AUH: variants seen among roughly 807,000 people sequenced by gnomAD.
The protein encoded by AUH is methylglutaconyl-CoA hydratase, mitochondrial.
In AUH, 29 loss-of-function variants were observed where a neutral mutation model predicts 42.3. That is an observed-to-expected ratio of 0.69 (90% CI 0.51 to 0.93). The LOEUF is 0.93. Ranked by LOEUF, AUH falls within the 40% of genes least tolerant of loss-of-function variation. The probability of loss-of-function intolerance (pLI) is 0.00; values close to 1 mark genes in which losing one functional copy is unlikely to be tolerated. For missense variants in AUH, 452 were observed against 438.1 expected (o/e 1.03, Z -0.28); for synonymous variants, 174 against 166.4 (o/e 1.05, Z -0.35).
At chr9:91,357,597 C>T in intron 1 of AUH, 2 of 737,998 alleles carry the variant, frequency 2.7e-6, no homozygotes, top group Non-Finnish European at 1.7e-6. Context: ...AACTGCTTTA[C>T]AAGCTGTAAG....
intron 4 of AUH, among the ~76,000 whole-genome samples, chr9:91,318,508 C>T (rs1829328523): frequency 6.6e-6 from 1 of 152,212 alleles, no homozygotes; most frequent in African/African-American, 2.4e-5. Flanking sequence ...GTTAAGCTCA[C>T]ACCATGCTCA....
chr9:91,281,198 T>C (rs1825938386), intron 6 of AUH, among the ~76,000 whole-genome samples: 1 of 152,204 alleles, frequency 6.6e-6, no homozygotes, highest in Non-Finnish European at 1.5e-5. Context: ...TTCAGTTCAT[T>C]TATTTTACAC....
intron 5 of AUH, 143 bp from the exon 6 acceptor site, chr9:91,296,220 C>T: frequency 1.3e-6 from 1 of 788,918 alleles, no homozygotes; most frequent in Non-Finnish European, 2.0e-6. Flanking sequence ...ACTTAAAAGG[C>T]ATTGTTATGG....
intron 4 of AUH, among the ~76,000 whole-genome samples, chr9:91,302,231 T>C (rs1035473786): frequency 7.3e-5 from 11 of 149,778 alleles, no homozygotes; most frequent in African/African-American, 2.7e-4. Flanking sequence ...ACTTTGGGAG[T>C]CCAAGGCAGG....
chr9:91,221,091 A>C, intron 6 of AUH, 99 bp from the exon 7 acceptor site: 1 of 1,329,772 alleles, frequency 7.5e-7, no homozygotes. Context: ...AACCAGGGCC[A>C]GAAGTTTATA....
At chr9:91,327,748 C>T (rs555058431) in intron 3 of AUH, among the ~76,000 whole-genome samples, 1 of 152,330 alleles carries the variant, frequency 6.6e-6, no homozygotes, top group East Asian at 1.9e-4. Context: ...CTCCCGCTAG[C>T]CAAGCTATGG....
chr9:91,280,636 C>T (rs897004716), intron 6 of AUH, among the ~76,000 whole-genome samples: 2 of 152,086 alleles, frequency 1.3e-5, no homozygotes, highest in African/African-American at 4.8e-5. Context: ...ATTAATTCTC[C>T]AATCTTTTCT....
intron 6 of AUH, among the ~76,000 whole-genome samples, chr9:91,293,480 T>G (rs1827077690): frequency 6.6e-6 from 1 of 152,218 alleles, no homozygotes; most frequent in African/African-American, 2.4e-5. Flanking sequence ...AAGATCAAAC[T>G]AGCCACAACA....
intron 6 of AUH, among the ~76,000 whole-genome samples, chr9:91,256,946 A>C (rs1829433645): frequency 6.6e-6 from 1 of 152,074 alleles, no homozygotes. Context: ...AAAACATCAA[A>C]GCTTCTCTCT....
chr9:91,360,708 A>G (rs900359706), intron 1 of AUH, among the ~76,000 whole-genome samples: 4 of 152,202 alleles, frequency 2.6e-5, no homozygotes, highest in Admixed American at 2.0e-4. Flanking sequence ...CCATGCCTTG[A>G]AAGTTCACAC....
chr9:91,343,493 AC>A (rs1433149349), intron 3 of AUH, among the ~76,000 whole-genome samples: 1 of 152,262 alleles, frequency 6.6e-6, no homozygotes, highest in Non-Finnish European at 1.5e-5. Flanking sequence ...TCGGCCAGGC[AC>A]AGTGGCTCAC....
Position 91,361,711 on chromosome 9 carries a change from C to T in AUH, c.179G>A (p.Gly60Asp). ...GCTGTAGCCCCTTTTCGGGGCGGGA[C>T]CCCCGGCCGCAGGTACCCAGCCCTG... Reference protein sequence around the residue: ...WAQGWVPAAGGPAPKRGYSSE... With the variant: ...WAQGWVPAAGDPAPKRGYSSE... Residue 60 changes from glycine (G) to aspartate (D), a missense_variant, in exon 1 of 10, where the codon GGT becomes GAT. By Grantham distance (94) the Gly-to-Asp change is moderately conservative. Transcript: ENST00000375731. 1.3e-6 allele frequency: 2 copies of T among 1,552,604 alleles called. No homozygotes were observed. The highest frequency in any genetic ancestry group is 1.7e-6 in the Non-Finnish European group (2 of 1,148,518).
At chr9:91,288,149 C>T (rs544720528) in intron 6 of AUH, among the ~76,000 whole-genome samples, 7 of 152,076 alleles carry the variant, frequency 4.6e-5, no homozygotes, top group African/African-American at 1.4e-4. Flanking sequence ...AACAAATTAC[C>T]TTAGTAATAA....
intron 4 of AUH, among the ~76,000 whole-genome samples, chr9:91,316,332 A>G (rs796276028): frequency 6.6e-6 from 1 of 152,138 alleles, no homozygotes; most frequent in Non-Finnish European, 1.5e-5. Context: ...GAGTGTAGAT[A>G]TATTTCTTAC....
chr9:91,217,774 A>C (rs1826908120), intron 7 of AUH, among the ~76,000 whole-genome samples: 3 of 152,198 alleles, frequency 2.0e-5, no homozygotes, highest in Admixed American at 2.0e-4. Context: ...GACACTGGCT[A>C]TATTTCCTCC....
At chr9:91,337,839 A>C (rs936200849) in intron 3 of AUH, among the ~76,000 whole-genome samples, 5 of 152,186 alleles carry the variant, frequency 3.3e-5, no homozygotes, top group Non-Finnish European at 5.9e-5. Context: ...ATTGGTGGAG[A>C]TATAAAATTA....
chr9:91,299,408 A>G (rs1447457599), intron 4 of AUH, among the ~76,000 whole-genome samples: 1 of 152,204 alleles, frequency 6.6e-6, no homozygotes, highest in African/African-American at 2.4e-5. Flanking sequence ...AAGTCTGAAA[A>G]GGCCAGGAAG....
chr9:91,332,029 T>C (rs929017265), intron 3 of AUH, among the ~76,000 whole-genome samples: 2 of 152,244 alleles, frequency 1.3e-5, no homozygotes, highest in African/African-American at 4.8e-5. Flanking sequence ...TGTGCTCCTT[T>C]GAACATTTTT....
At chr9:91,254,116 G>T (rs867145538) in intron 6 of AUH, among the ~76,000 whole-genome samples, 2 of 152,174 alleles carry the variant, frequency 1.3e-5, no homozygotes, top group African/African-American at 4.8e-5. Context: ...ATTGTCTTCA[G>T]TGCACAGGCC....
Sources: gnomAD v4.1 joint callset for allele counts (sites outside exome capture counted in the v4.1 genomes callset) on GRCh38, gnomAD v4.1.1 for gene constraint, MANE v1.5 for transcripts, NCBI Gene and HGNC (gene_info 2026-07-23, HGNC 2026-07-21) for gene names.